The following CNBD2 variants were observed in gnomAD, a reference collection of about 807,000 sequenced individuals.
CNBD2 encodes the protein cyclic nucleotide-binding domain-containing protein 2.
CNBD2 carries 64 observed loss-of-function variants against 63.7 expected under a neutral mutation model. That is an observed-to-expected ratio of 1.00 (90% CI 0.82 to 1.24). CNBD2 has a LOEUF of 1.24. CNBD2 is among the 50% of genes most tolerant of loss of function. The pLI is 0.00. For synonymous variants in CNBD2, 229 were observed against 255.4 expected, an observed-to-expected ratio of 0.90 and a Z score of 0.99; for missense variants, 691 against 713.5, an observed-to-expected ratio of 0.97 and a Z score of 0.36.
At chr20:36,028,432 C>T (rs1036372909) in intron 11 of CNBD2, among the ~76,000 whole-genome samples, 14 of 152,024 alleles carry the variant, frequency 9.2e-5, no homozygotes, top group Admixed American at 2.6e-4. Flanking sequence ...ACGTTTTAAC[C>T]GAAGACTCTG....
chr20:36,017,072 A>AT (rs1265436881), intron 10 of CNBD2, among the ~76,000 whole-genome samples: 3 of 151,796 alleles, frequency 2.0e-5, no homozygotes, highest in Admixed American at 6.6e-5. Flanking sequence ...AAAAAAAAAA[A>AT]AAAAATGCAG....
chr20:36,010,184 C>T (rs1203866094), intron 9 of CNBD2, among the ~76,000 whole-genome samples: 2 of 152,054 alleles, frequency 1.3e-5, no homozygotes, highest in Admixed American at 1.3e-4. Flanking sequence ...AGCAGCACAG[C>T]CCCCTCCCCC....
intron 8 of CNBD2, among the ~76,000 whole-genome samples, chr20:36,002,995 T>C (rs1227224985): frequency 6.6e-6 from 1 of 152,052 alleles, no homozygotes; most frequent in Non-Finnish European, 1.5e-5. Flanking sequence ...TTTTTTTTCC[T>C]CTGTGACATT....
intron 8 of CNBD2, among the ~76,000 whole-genome samples, chr20:36,008,092 T>C (rs992956742): frequency 5.3e-5 from 8 of 152,134 alleles, no homozygotes; most frequent in African/African-American, 1.4e-4. Flanking sequence ...CCAGATGTAA[T>C]AGATGTAAAG....
At position 35,995,123 on chromosome 20, in the gene CNBD2, A is replaced by G. The variant is rs745948902; in HGVS notation, c.941A>G (p.Asp314Gly). 2.4e-4 allele frequency: 388 copies of G among 1,613,868 alleles called. 2 individuals carry two copies. The highest frequency in any genetic ancestry group is 4.9e-4 in the Middle Eastern group (3 of 6,080). ...RWIWQHLELI[D>G]GRPLKTHLSE... is the part of the protein sequence containing the mutation. ...ATCTGGCAGCACCTGGAGCTGATAG[A>G]TGGCAGACCTCTGAAGACCCACCTG... Residue 314 changes from aspartate (D) to glycine (G), a missense_variant, in exon 8 of 12, where the codon GAT (aspartate) becomes GGT (glycine). Coordinates refer to ENST00000373973, the MANE Select transcript of CNBD2 (RefSeq NM_001365709.1).
chr20:36,020,768 G>T (rs909101425), intron 10 of CNBD2, among the ~76,000 whole-genome samples: 3 of 152,160 alleles, frequency 2.0e-5, no homozygotes, highest in African/African-American at 7.2e-5. Flanking sequence ...TGACTAGGAG[G>T]GCCTTTGTTC....
At chr20:36,001,396 G>A (rs1260851025) in intron 8 of CNBD2, among the ~76,000 whole-genome samples, 2 of 150,328 alleles carry the variant, frequency 1.3e-5, no homozygotes, top group Non-Finnish European at 1.5e-5. Context: ...CCCGGACAGG[G>A]CGGCTGGCCG....
intron 11 of CNBD2, among the ~76,000 whole-genome samples, chr20:36,027,450 T>G (rs1429248062): frequency 2.0e-5 from 3 of 152,180 alleles, no homozygotes; most frequent in Non-Finnish European, 4.4e-5. Flanking sequence ...AGATCAGTAT[T>G]TTTTAAAGTA....
chr20:35,975,301 TC>T (rs2056492575), intron 2 of CNBD2, among the ~76,000 whole-genome samples: 20 of 117,134 alleles, frequency 1.7e-4, no homozygotes, highest in Admixed American at 3.4e-4. Flanking sequence ...GCGCCCGGCC[TC>T]TTTTTTTTTA....
intron 1 of CNBD2, 76 bp downstream of exon 1, chr20:35,968,889 G>A: frequency 1.8e-6 from 2 of 1,121,004 alleles, no homozygotes; most frequent in Non-Finnish European, 2.6e-6. Flanking sequence ...GGTCGATGCA[G>A]GTGTAGGAGG....
chr20:35,980,340 C>CAT (rs10627329), intron 3 of CNBD2, 119 bp from the exon 4 acceptor site: 207,283 of 880,834 alleles, frequency 0.24, 28,360 homozygotes, highest in African/African-American at 0.46. Context: ...GCACTCATCA[C>CAT]GTCAGCCACT....
intron 8 of CNBD2, among the ~76,000 whole-genome samples, chr20:35,998,125 T>G (rs971150801): frequency 6.9e-6 from 1 of 145,424 alleles, no homozygotes. Flanking sequence ...CACTTCATCC[T>G]CCACCCCCCA....
intron 4 of CNBD2, among the ~76,000 whole-genome samples, chr20:35,981,147 G>A (rs771267289): frequency 2.6e-5 from 4 of 152,186 alleles, no homozygotes; most frequent in Non-Finnish European, 4.4e-5. Flanking sequence ...GACAGCAAAA[G>A]CGACAGATGT....
chr20:35,992,130 CT>C (rs1488858309), intron 7 of CNBD2, among the ~76,000 whole-genome samples: 6 of 152,306 alleles, frequency 3.9e-5, no homozygotes, highest in African/African-American at 1.4e-4. Context: ...TTCCACCCTC[CT>C]CGGCCTCCCA....
At chr20:36,000,859 A>G (rs1300154732) in intron 8 of CNBD2, among the ~76,000 whole-genome samples, 1 of 151,386 alleles carries the variant, frequency 6.6e-6, no homozygotes, top group Non-Finnish European at 1.5e-5. Context: ...TAAGTGAACA[A>G]AGGTCTCTGG....
chr20:36,022,059 A>G (rs1366845662), intron 10 of CNBD2, among the ~76,000 whole-genome samples: 4 of 151,006 alleles, frequency 2.6e-5, no homozygotes, highest in Admixed American at 2.0e-4. Context: ...CCCAGGCTGG[A>G]GTGCAGTGGC....
rs1360100385 is a variant in CNBD2, at chr20:35,984,771, T to C, written c.709T>C (p.Phe237Leu). The change falls in exon 6 of 12, where the codon TTT (phenylalanine) becomes CTT (leucine). Residue 237 changes from phenylalanine to leucine, a missense_variant. Transcript: ENST00000373973. ...GAAGGATGCTCAGTATCGGTTTGAA[T>C]TTTTTAGGTAACTCTGCCTTCATTC... is the stretch of plus-strand genomic sequence containing the variant. ...VQKDAQYRFE[F>L]FRKMELFASW... The C allele has an allele frequency of 4.3e-6, 7 of 1,613,948 alleles. No individual in the cohort carries two copies. The Admixed American group carries it at 1.0e-4, about 23-fold the overall frequency.
intron 3 of CNBD2, among the ~76,000 whole-genome samples, chr20:35,978,716 T>G (rs1258230771): frequency 6.6e-6 from 1 of 152,198 alleles, no homozygotes; most frequent in Non-Finnish European, 1.5e-5. Context: ...GGTTTCGAAC[T>G]CCTGGGCTCA....
chr20:36,023,561 G>T (rs1301844444), intron 10 of CNBD2, 41 bp from the exon 11 acceptor site: 1 of 1,476,520 alleles, frequency 6.8e-7, no homozygotes. Flanking sequence ...GGGCAGACCT[G>T]GCCAGTCTCT....
Sources: gnomAD v4.1 joint callset for allele counts (sites outside exome capture counted in the v4.1 genomes callset) on GRCh38, gnomAD v4.1.1 for gene constraint, MANE v1.5 for transcripts, NCBI Gene and HGNC (gene_info 2026-07-23, HGNC 2026-07-21) for gene names.